CCDC7: variants seen among roughly 807,000 people sequenced by gnomAD.
The protein encoded by CCDC7 is coiled-coil domain-containing protein 7.
In CCDC7, 183 loss-of-function variants were observed where a neutral mutation model predicts 196.9. The observed-to-expected ratio is 0.93, with a 90% confidence interval of 0.82 to 1.05. CCDC7 has a LOEUF of 1.05. Ranked by LOEUF, CCDC7 falls within the 50% of genes least tolerant of loss-of-function variation. The pLI is 0.00. For missense variants in CCDC7, 1,540 were observed against 1,482.2 expected (o/e 1.04, Z -0.64); for synonymous variants, 525 against 484.6 (o/e 1.08, Z -1.10).
rs12268708 is a variant in CCDC7 at position 32,510,069 on chromosome 10, G to C, written c.873-7876G>C. Among the ~76,000 whole-genome samples, 9 of 152,146 alleles carry C rather than the reference G, an allele frequency of 5.9e-5. No homozygotes were observed. The East Asian group carries it at 1.4e-3, about 23-fold the overall frequency. On this transcript the variant is annotated intron_variant, in intron 9 of 41. Transcript: ENST00000639629. ...AGGAACTTAAATCAATATGTCAGGG[G>C]GATATCTGCACTCCCATTTTCATTG...
At chr10:32,872,453 C>G (rs1375502788) in intron 41 of CCDC7, among the ~76,000 whole-genome samples, 1 of 151,838 alleles carries the variant, frequency 6.6e-6, no homozygotes, top group Non-Finnish European at 1.5e-5. Flanking sequence ...AGATGGGTTT[C>G]CTGAATACAG....
intron 16 of CCDC7, among the ~76,000 whole-genome samples, chr10:32,577,865 C>T (rs572773640): frequency 3.3e-5 from 5 of 152,230 alleles, no homozygotes; most frequent in East Asian, 1.9e-4. Context: ...ATAGGAATGT[C>T]GGGTTGAAGA....
intron 41 of CCDC7, among the ~76,000 whole-genome samples, 166 bp downstream of exon 42, chr10:32,854,655 T>C (rs2093684086): frequency 6.6e-6 from 1 of 152,202 alleles, no homozygotes; most frequent in South Asian, 2.1e-4. Flanking sequence ...AAAATATATA[T>C]GTAAACAGTG....
At position 32,774,642 on chromosome 10, in the gene CCDC7, A is replaced by AT. The variant is rs201160860; in HGVS notation, c.2906-4327dup. Among the ~76,000 whole-genome samples, 1,095 of 151,630 alleles carry AT rather than the reference A, an allele frequency of 7.2e-3. 13 individuals are homozygous for AT. The highest frequency in any genetic ancestry group is 0.025 in the African/African-American group (1,043 of 41,344). On this transcript the variant is annotated intron_variant, in intron 28 of 41. Transcript: ENST00000639629. ...TTGTCTTTGAATAATTTCTAGTTGTATTTTTTTTCTAGGGGAAGTGATGCT... is the reference window on the plus strand; with the variant it reads ...TTGTCTTTGAATAATTTCTAGTTGTATTTTTTTTTCTAGGGGAAGTGATGCT...
intron 31 of CCDC7, among the ~76,000 whole-genome samples, chr10:32,819,355 G>C (rs887329138): frequency 2.6e-5 from 4 of 152,202 alleles, no homozygotes; most frequent in African/African-American, 7.2e-5. Flanking sequence ...TCCAGGACCA[G>C]ATGGATTCAT....
intron 6 of CCDC7, among the ~76,000 whole-genome samples, 192 bp downstream of exon 7, chr10:32,471,422 A>G (rs370031021): frequency 2.0e-5 from 3 of 152,294 alleles, no homozygotes; most frequent in East Asian, 3.9e-4. Flanking sequence ...CATTTGCTGC[A>G]TGTGGCTATG....
At chr10:32,664,511 A>T (rs1181116932) in intron 21 of CCDC7, among the ~76,000 whole-genome samples, 1 of 152,008 alleles carries the variant, frequency 6.6e-6, no homozygotes, top group Non-Finnish European at 1.5e-5. Context: ...TCCCACCATC[A>T]GCCTCTTATA....
intron 10 of CCDC7, 103 bp downstream of exon 11, chr10:32,518,078 T>C: frequency 7.3e-7 from 1 of 1,367,850 alleles, no homozygotes; most frequent in Non-Finnish European, 9.7e-7. Flanking sequence ...ATCCAATCCT[T>C]ACTTAGTTTA....
chr10:32,498,291 G>A (rs1415699327), intron 9 of CCDC7, among the ~76,000 whole-genome samples: 6 of 152,006 alleles, frequency 3.9e-5, no homozygotes, highest in Non-Finnish European at 8.8e-5. Context: ...GTCTTTGCAT[G>A]TGAGATGGTC....
intron 32 of CCDC7, among the ~76,000 whole-genome samples, chr10:32,828,824 C>A (rs1184718247): frequency 6.6e-6 from 1 of 152,136 alleles, no homozygotes; most frequent in Admixed American, 6.6e-5. Context: ...GAAGTGGCAC[C>A]ACTCACCATC....
At chr10:32,525,134 T>C (rs1051593098) in intron 11 of CCDC7, among the ~76,000 whole-genome samples, 2 of 151,782 alleles carry the variant, frequency 1.3e-5, no homozygotes, top group African/African-American at 4.8e-5. Flanking sequence ...ATTGGACAAA[T>C]ACCTAATGTA....
At chr10:32,467,498 G>C (rs1187600166) in intron 5 of CCDC7, among the ~76,000 whole-genome samples, 2 of 152,096 alleles carry the variant, frequency 1.3e-5, no homozygotes, top group African/African-American at 4.8e-5. Context: ...ACCTTTGTCA[G>C]GTGAATGGTT....
intron 23 of CCDC7, among the ~76,000 whole-genome samples, chr10:32,692,026 C>T (rs1442596505): frequency 1.3e-5 from 2 of 152,180 alleles, no homozygotes; most frequent in East Asian, 3.8e-4. Context: ...CCTTTCACTC[C>T]CTAAGTTAAA....
At chr10:32,598,316 A>T (rs2060631990) in intron 18 of CCDC7, among the ~76,000 whole-genome samples, 1 of 152,198 alleles carries the variant, frequency 6.6e-6, no homozygotes, top group Non-Finnish European at 1.5e-5. Context: ...GGCACGGGAT[A>T]TAATCTCCTG....
At chr10:32,529,613 G>T (rs2135839279) in intron 11 of CCDC7, among the ~76,000 whole-genome samples, 1 of 152,000 alleles carries the variant, frequency 6.6e-6, no homozygotes, top group Non-Finnish European at 1.5e-5. Context: ...CTTTTTAGTG[G>T]GATTACTTGT....
intron 11 of CCDC7, among the ~76,000 whole-genome samples, chr10:32,524,067 C>T (rs1234334601): frequency 6.0e-5 from 6 of 100,554 alleles, no homozygotes; most frequent in African/African-American, 3.3e-5. Flanking sequence ...TTTCTTCCTT[C>T]TGTCTTTTTT....
At position 32,701,987 on chromosome 10, in the gene CCDC7, T is replaced by A. The variant is rs530307175; in HGVS notation, c.2458+6995T>A. 5.3e-5 allele frequency among the ~76,000 whole-genome samples: 8 copies of A among 152,326 alleles called. 1 individual carries two copies. The South Asian group carries it at 6.2e-4, about 12-fold the overall frequency. Reference sequence around the variant, plus strand: ...AAAAACCAGCTCCTGGATTCATTGATTTTTTTGAGGGTTTTTTGTGTCTCT... The same window carrying A: ...AAAAACCAGCTCCTGGATTCATTGAATTTTTTGAGGGTTTTTTGTGTCTCT... On this transcript the variant is annotated intron_variant, in intron 24 of 41. Transcript: ENST00000639629.
At chr10:32,802,027 G>A (rs1402011745) in intron 29 of CCDC7, among the ~76,000 whole-genome samples, 1 of 152,172 alleles carries the variant, frequency 6.6e-6, no homozygotes, top group Non-Finnish European at 1.5e-5. Flanking sequence ...GGTTGTGCAT[G>A]CATCTTTTGT....
At chr10:32,612,645 T>C (rs2062296461) in intron 18 of CCDC7, among the ~76,000 whole-genome samples, 1 of 152,168 alleles carries the variant, frequency 6.6e-6, no homozygotes, top group Non-Finnish European at 1.5e-5. Context: ...TGAATTTTAT[T>C]GAAGACCTTT....
Sources: gnomAD v4.1 joint callset for allele counts (sites outside exome capture counted in the v4.1 genomes callset) on GRCh38, gnomAD v4.1.1 for gene constraint, MANE v1.5 for transcripts, NCBI Gene and HGNC (gene_info 2026-07-23, HGNC 2026-07-21) for gene names.